CCND2: variants seen among roughly 807,000 people sequenced by gnomAD.
CCND2 encodes the protein cyclin D2, also known as G1/S-specific cyclin-D2.
A neutral mutation model predicts 30.2 loss-of-function variants in CCND2; 6 were observed. The observed-to-expected ratio is 0.20, with a 90% CI of 0.11 to 0.39. The LOEUF is 0.39. CCND2 is among the 10% of genes least tolerant of loss of function. CCND2 has a pLI of 1.00. For synonymous variants in CCND2, 150 were observed against 153.1 expected (o/e 0.98, Z 0.15); for missense variants, 235 against 373.4 (o/e 0.63, Z 3.06).
chr12:4,293,659 TTAAAAA>T lies in CCND2; in HGVS notation c.720+4670_720+4675del, dbSNP rs1191501160. On this transcript the variant is annotated intron_variant, in intron 4 of 4. Coordinates refer to ENST00000261254, the MANE Select transcript of CCND2 (RefSeq NM_001759.4). The surrounding 1 kb of genome is among the most constrained non-coding windows in gnomAD (Gnocchi z 4.9). The stretch of plus-strand genomic sequence containing the variant: ...TACGGTCCTGGTTATCAATGAGCTA[TTAAAAA>T]GCAGGGAGGTGGAGGCGCCGTGGAA... 2.6e-5 allele frequency among the ~76,000 whole-genome samples: 4 copies of T among 152,184 alleles called. No individual in the cohort carries two copies. Among genetic ancestry groups the T allele is most frequent in the Non-Finnish European group, 4.4e-5 (3 of 68,030 alleles).
At chr12:4,279,567 G>A (rs542206444) in intron 3 of CCND2, among the ~76,000 whole-genome samples, 6 of 152,028 alleles carry the variant, frequency 3.9e-5, no homozygotes, top group South Asian at 2.1e-4. Flanking sequence ...GATTTTGGCC[G>A]CAGCCTTTAA....
At chr12:4,278,979 G>T in intron 3 of CCND2, 60 bp downstream of exon 3, 2 of 1,544,302 alleles carry the variant, frequency 1.3e-6, no homozygotes, top group Non-Finnish European at 1.8e-6. Context: ...GATGTCCGGG[G>T]AGAGGCAAAA....
intron 4 of CCND2, among the ~76,000 whole-genome samples, chr12:4,290,790 G>A (rs979935433): frequency 1.1e-4 from 16 of 152,156 alleles, no homozygotes; most frequent in African/African-American, 3.9e-4. Context: ...AAGTCAGTCC[G>A]TCATCTCATC....
chr12:4,290,809 CTG>C (rs1215041044), intron 4 of CCND2, among the ~76,000 whole-genome samples: 4 of 152,190 alleles, frequency 2.6e-5, no homozygotes, highest in East Asian at 1.9e-4. Flanking sequence ...TCTGGGGAAA[CTG>C]TTTGCCTTTT....
In CCND2 at chr12:4,282,660, G is replaced by T. The variant is rs1187171201; in HGVS notation, c.571+3741G>T. Among the ~76,000 whole-genome samples the T allele has an allele frequency of 1.3e-5, 2 of 152,218 alleles. No individual in the cohort carries two copies. The highest frequency in any genetic ancestry group is 4.8e-5 in the African/African-American group (2 of 41,462). ...CTGTGGGGACAAGCAGCCAGGCAGT[G>T]TGGTGCTTGCCATCGCTCTTCCCTC... is the stretch of plus-strand genomic sequence containing the variant. On this transcript the variant is annotated intron_variant, in intron 3 of 4. Coordinates refer to ENST00000261254, the MANE Select transcript of CCND2 (RefSeq NM_001759.4). The surrounding 1 kb of genome is among the most constrained non-coding windows in gnomAD (Gnocchi z 4.3).
chr12:4,291,427 G>A (rs1301879248), intron 4 of CCND2, among the ~76,000 whole-genome samples: 11 of 151,932 alleles, frequency 7.2e-5, no homozygotes, highest in East Asian at 3.8e-4. Context: ...TCCTTCATTC[G>A]TTTCTGGAAG....
rs953113322 is a variant in CCND2, at chr12:4,293,654, A to G, written c.720+4664A>G. Among the ~76,000 whole-genome samples, 4 of 152,164 alleles carry G rather than the reference A, an allele frequency of 2.6e-5. No individual in the cohort carries two copies. The highest frequency in any genetic ancestry group is 9.7e-5 in the African/African-American group (4 of 41,422). ...CATTTTACGGTCCTGGTTATCAATG[A>G]GCTATTAAAAAGCAGGGAGGTGGAG... On this transcript the variant is annotated intron_variant, in intron 4 of 4. Coordinates refer to ENST00000261254, the MANE Select transcript of CCND2 (RefSeq NM_001759.4). The surrounding 1 kb of genome is among the most constrained non-coding windows in gnomAD (Gnocchi z 4.9).
In CCND2 at chr12:4,273,884, TTC is replaced by T; in HGVS notation, c.-149_-148del. Reference sequence around the variant, plus strand: ...ATCCTCGCCTCCCTTCTGCTCCACCTTCTCTCTCTGCCCTCACCTCTCCCCCG... The same window carrying T: ...ATCCTCGCCTCCCTTCTGCTCCACCTTCTCTCTGCCCTCACCTCTCCCCCG... On this transcript the variant is annotated 5_prime_UTR_variant, in exon 1 of 5. Coordinates refer to ENST00000261254, the MANE Select transcript of CCND2 (RefSeq NM_001759.4). This position sits in a 1 kb window ranked among gnomAD's most constrained non-coding sequence, Gnocchi z 5.9. The T allele has an allele frequency of 1.4e-6, 1 of 703,542 alleles. No homozygotes were observed. The highest frequency in any genetic ancestry group is 2.7e-5 in the East Asian group (1 of 36,774). The allele number at this position is 703,542 out of a possible 1,614,324, so 43.6% of individuals were successfully genotyped here.
intron 1 of CCND2, 78 bp from the exon 2 acceptor site, chr12:4,275,927 C>A (rs989820168): frequency 3.0e-5 from 28 of 941,478 alleles, no homozygotes; most frequent in Non-Finnish European, 4.0e-5. Context: ...ATAGATTACG[C>A]TTTTTTATTC....
At chr12:4,294,155 G>A (rs1425311341) in intron 4 of CCND2, among the ~76,000 whole-genome samples, 2 of 152,110 alleles carry the variant, frequency 1.3e-5, no homozygotes, top group African/African-American at 2.4e-5. Context: ...GCCCATTCAT[G>A]GAGGCAGAGG....
intron 3 of CCND2, among the ~76,000 whole-genome samples, chr12:4,284,808 T>C (rs1390576378): frequency 6.7e-6 from 1 of 150,152 alleles, no homozygotes; most frequent in African/African-American, 2.5e-5. Context: ...CAATCTCTGC[T>C]CACTGCAACC....
At chr12:4,288,569 A>G (rs1404837533) in intron 3 of CCND2, among the ~76,000 whole-genome samples, 1 of 152,026 alleles carries the variant, frequency 6.6e-6, no homozygotes, top group Non-Finnish European at 1.5e-5. Context: ...GGGATTGGGG[A>G]CCTTGAATCC....
intron 3 of CCND2, among the ~76,000 whole-genome samples, chr12:4,281,168 T>G (rs4238014): frequency 0.98 from 149,865 of 152,324 alleles, 73,765 homozygotes; most frequent in Middle Eastern, 1. Context: ...CCTCAGGCGT[T>G]GACAGGGCAG....
In CCND2 at chr12:4,301,147, A is replaced by G. The variant is rs1271573849; in HGVS notation, c.*1138A>G. The G allele has an allele frequency of 1.3e-5, 3 of 233,138 alleles. No individual in the cohort carries two copies. The highest frequency in any genetic ancestry group is 4.4e-5 in the African/African-American group (2 of 45,176). 14.4% of individuals were successfully genotyped at this position (233,138 alleles called of 1,614,324 possible). ...ACACAGTTCTGGTGTTCCTACCAGG[A>G]CTCAAGAGACACCCCTTCCTGCTGA... is the stretch of plus-strand genomic sequence containing the variant. On this transcript the variant is annotated 3_prime_UTR_variant, in exon 5 of 5. Coordinates refer to ENST00000261254, the MANE Select transcript of CCND2 (RefSeq NM_001759.4).
chr12:4,301,898 G>A lies in CCND2; in HGVS notation c.*1889G>A, dbSNP rs1483049030. On this transcript the variant is annotated 3_prime_UTR_variant, in exon 5 of 5. Coordinates refer to ENST00000261254, the MANE Select transcript of CCND2 (RefSeq NM_001759.4). ...GCCCTTCCGTAGTTTGTTTTCTTCT[G>A]GTAGCATATTCATGGTTGTTTTTTT... is the stretch of plus-strand genomic sequence containing the variant. The A allele has an allele frequency of 8.7e-6, 2 of 230,620 alleles. No homozygotes were observed. Among genetic ancestry groups the A allele is most frequent in the East Asian group, 1.2e-4 (2 of 16,478 alleles). The allele number at this position is 230,620 out of a possible 1,614,324, so 14.3% of individuals were successfully genotyped here.
rs1418805897 is a variant in CCND2 at position 4,297,432 on chromosome 12, G to A, written c.721-2428G>A. Among the ~76,000 whole-genome samples, 6 of 151,868 alleles carry A rather than the reference G, an allele frequency of 4.0e-5. No homozygotes were observed. The East Asian group carries it at 7.8e-4, about 20-fold the overall frequency. ...CTATAAATACAAAAATCAGCTGGGCGTGGTGGCACGTGCCTATAATCCCAG... is the reference window on the plus strand; with the variant it reads ...CTATAAATACAAAAATCAGCTGGGCATGGTGGCACGTGCCTATAATCCCAG... On this transcript the variant is annotated intron_variant, in intron 4 of 4. Transcript: ENST00000261254.
chr12:4,299,995 G>A lies in CCND2; in HGVS notation c.856G>A (p.Asp286Asn), dbSNP rs2120593689. The A allele has an allele frequency of 6.2e-7, 1 of 1,613,810 alleles. No individual in the cohort carries two copies. The highest frequency in any genetic ancestry group is 8.5e-7 in the Non-Finnish European group (1 of 1,179,834). ...DQASTPTDVR[D>N]IDL is the part of the protein sequence containing the mutation. ...AGCCAGCACCCCTACAGACGTGCGGGATATCGACCTGTGAGGATGCCAGTT... is the reference window on the plus strand; with the variant it reads ...AGCCAGCACCCCTACAGACGTGCGGAATATCGACCTGTGAGGATGCCAGTT... Residue 286 changes from aspartate to asparagine, a missense_variant, in exon 5 of 5, where the codon GAT becomes AAT. Transcript: ENST00000261254. The surrounding 1 kb of genome is among the most constrained non-coding windows in gnomAD (Gnocchi z 5.2).
At chr12:4,286,435 TG>T (rs910384568) in intron 3 of CCND2, among the ~76,000 whole-genome samples, 1 of 152,202 alleles carries the variant, frequency 6.6e-6, no homozygotes, top group Non-Finnish European at 1.5e-5. Flanking sequence ...TTGACTAACC[TG>T]GAGGAGAGGT....
intron 4 of CCND2, among the ~76,000 whole-genome samples, chr12:4,298,658 A>G (rs1014697126): frequency 2.0e-5 from 3 of 152,340 alleles, no homozygotes; most frequent in South Asian, 2.1e-4. Context: ...TTTATATTAA[A>G]CTATGAAAAG....
Sources: gnomAD v4.1 joint callset for allele counts (sites outside exome capture counted in the v4.1 genomes callset) on GRCh38, gnomAD v4.1.1 for gene constraint, Gnocchi (gnomAD v3.1) non-coding constraint, MANE v1.5 for transcripts, NCBI Gene and HGNC (gene_info 2026-07-23, HGNC 2026-07-21) for gene names.